The following STC1 variants were observed in gnomAD, a reference collection of about 807,000 sequenced individuals.
The protein encoded by STC1 is stanniocalcin 1, also known as stanniocalcin-1.
Under a neutral mutation model 22.6 loss-of-function variants are expected in STC1, and 7 were observed. The ratio of observed to expected loss-of-function variants is 0.31; its 90% CI spans 0.18 to 0.58. The LOEUF (loss-of-function observed/expected upper bound fraction) is 0.58. Among genes scored for constraint, STC1 ranks in the 20% least tolerant of loss-of-function variants. The pLI, the probability that STC1 is intolerant of heterozygous loss-of-function variation, is 0.89. For synonymous variants in STC1, 113 were observed against 120.7 expected, an observed-to-expected ratio of 0.94 and a Z score of 0.42; for missense variants, 224 against 311.0, an observed-to-expected ratio of 0.72 and a Z score of 2.10.
At chr8:23,848,672 C>T (rs1487526648) in intron 3 of STC1, among the ~76,000 whole-genome samples, 2 of 148,216 alleles carry the variant, frequency 1.3e-5, no homozygotes, top group African/African-American at 2.5e-5. Flanking sequence ...AATTATGTTT[C>T]TTTTTTCTCA....
chr8:23,844,789 G>A lies in STC1; in HGVS notation c.725C>T (p.Thr242Ile). Residue 242 changes from threonine (T) to isoleucine (I), a missense_variant, in exon 4 of 4, where the codon ACA (threonine) becomes ATA (isoleucine). Transcript: ENST00000290271. ...CCCTGGTTATGCACTCTCATGGGATGTGCGTTTGATGTGGGAGGGAGAGTC... is the reference window on the plus strand; with the variant it reads ...CCCTGGTTATGCACTCTCATGGGATATGCGTTTGATGTGGGAGGGAGAGTC... ...EEDSPSHIKR[T>I]SHESA The A allele has an allele frequency of 6.2e-7, 1 of 1,614,148 alleles. No individual in the cohort carries two copies. The highest frequency in any genetic ancestry group is 1.1e-5 in the South Asian group (1 of 91,080).
intron 3 of STC1, among the ~76,000 whole-genome samples, chr8:23,850,858 T>C (rs372264936): frequency 6.6e-6 from 1 of 151,498 alleles, no homozygotes; most frequent in African/African-American, 2.4e-5. Flanking sequence ...TGTTTGGGAC[T>C]GATTTGAAAT....
intron 3 of STC1, among the ~76,000 whole-genome samples, chr8:23,846,734 A>C (rs1415515771): frequency 6.6e-6 from 1 of 152,198 alleles, no homozygotes; most frequent in Non-Finnish European, 1.5e-5. Flanking sequence ...AGGGAGAATT[A>C]TATCCAGCTG....
intron 2 of STC1, among the ~76,000 whole-genome samples, 192 bp from the exon 3 acceptor site, chr8:23,851,723 A>G (rs1248091150): frequency 1.3e-5 from 2 of 151,256 alleles, no homozygotes; most frequent in Non-Finnish European, 2.9e-5. Flanking sequence ...ATCTCCCTGG[A>G]TTCCCTTGAG....
rs1338983181 is a variant in STC1 at position 23,842,211 on chromosome 8, A to G, written c.*2559T>C. The stretch of plus-strand genomic sequence containing the variant: ...ATACATAATGCAAATATAATGGCAC[A>G]AAAATGTCTAAAGTGCAACCAAATC... On this transcript the variant is annotated 3_prime_UTR_variant, in exon 4 of 4. Transcript: ENST00000290271. 6.6e-6 allele frequency: 1 copy of G among 152,584 alleles called. No homozygotes were observed. The highest frequency in any genetic ancestry group is 2.4e-5 in the African/African-American group (1 of 41,448). The allele number at this position is 152,584 out of a possible 1,614,324, so 9.5% of individuals were successfully genotyped here.
In STC1 at chr8:23,851,429, C is replaced by A. The variant is rs1421446497; in HGVS notation, c.364G>T (p.Ala122Ser). 2 of 1,614,164 alleles carry A rather than the reference C, an allele frequency of 1.2e-6. No individual in the cohort carries two copies. Among genetic ancestry groups the A allele is most frequent in the Non-Finnish European group, 1.7e-6 (2 of 1,180,020 alleles). ...CTGTAGCACTCTTCCTGCACCTCAGCAATCATCCTTTGGAAAGTGGAGCAC... is the reference window on the plus strand; with the variant it reads ...CTGTAGCACTCTTCCTGCACCTCAGAAATCATCCTTTGGAAAGTGGAGCAC... The part of the protein sequence containing the change: ...RRCSTFQRMI[A>S]EVQEECYSKL... The change falls in exon 3 of 4, where the codon GCT (alanine) becomes TCT (serine). Residue 122 changes from alanine (A) to serine (S), a missense_variant. Coordinates refer to ENST00000290271, the MANE Select transcript of STC1 (RefSeq NM_003155.3).
chr8:23,852,860 A>C (rs1302484125), intron 1 of STC1, among the ~76,000 whole-genome samples: 2 of 152,290 alleles, frequency 1.3e-5, no homozygotes, highest in East Asian at 3.9e-4. Flanking sequence ...ATTTTAGTCT[A>C]AATGGCAGAG....
intron 3 of STC1, among the ~76,000 whole-genome samples, chr8:23,848,562 A>C (rs1563342182): frequency 6.6e-6 from 1 of 150,910 alleles, no homozygotes; most frequent in Non-Finnish European, 1.5e-5. Flanking sequence ...AAAAAGAAGA[A>C]GAAGATTCCT....
chr8:23,851,601 A>C (rs1802638625), intron 2 of STC1, 70 bp from the exon 3 acceptor site: 6 of 1,440,348 alleles, frequency 4.2e-6, no homozygotes, highest in Non-Finnish European at 3.9e-6. Flanking sequence ...ATATACATGG[A>C]GGAATTTAAG....
At position 23,842,911 on chromosome 8, in the gene STC1, C is replaced by T. The variant is rs1436977214; in HGVS notation, c.*1859G>A. 2 of 153,716 alleles carry T rather than the reference C, an allele frequency of 1.3e-5. No homozygotes were observed. The highest frequency in any genetic ancestry group is 6.5e-5 in the Admixed American group (1 of 15,286). The allele number at this position is 153,716 out of a possible 1,614,324, so 9.5% of individuals were successfully genotyped here. On this transcript the variant is annotated 3_prime_UTR_variant, in exon 4 of 4. Transcript: ENST00000290271. ...GCTGCAATTGCTCTTGGTCCTTGAG[C>T]AGCACGTTACTGGTTTTAAAGGCTT...
rs565129234 is a variant in STC1, at chr8:23,844,436, T to C, written c.*334A>G. 3.0e-6 allele frequency: 1 copy of C among 332,072 alleles called. No homozygotes were observed. Among genetic ancestry groups the C allele is most frequent in the Non-Finnish European group, 5.6e-6 (1 of 177,092 alleles). The allele number at this position is 332,072 out of a possible 1,614,324, so 20.6% of individuals were successfully genotyped here. ...TTCTAAAGGGATCCACATCTTCAAATTACAATGGCTGGAGAGTTACATGAA... is the reference window on the plus strand; with the variant it reads ...TTCTAAAGGGATCCACATCTTCAAACTACAATGGCTGGAGAGTTACATGAA... On this transcript the variant is annotated 3_prime_UTR_variant, in exon 4 of 4. Transcript: ENST00000290271.
chr8:23,850,982 T>G (rs1357699144), intron 3 of STC1, among the ~76,000 whole-genome samples: 1 of 149,884 alleles, frequency 6.7e-6, no homozygotes, highest in African/African-American at 2.5e-5. Flanking sequence ...CAGCCAAATC[T>G]GATGTCTTAA....
Position 23,854,550 on chromosome 8 carries a change from T to TG in STC1, c.-28dup, listed in dbSNP as rs973460032. The TG allele has an allele frequency of 1.9e-6, 3 of 1,587,486 alleles. No individual in the cohort carries two copies. Among genetic ancestry groups the TG allele is most frequent in the African/African-American group, 1.4e-5 (1 of 73,684 alleles). On this transcript the variant is annotated 5_prime_UTR_variant, in exon 1 of 4. Coordinates refer to ENST00000290271, the MANE Select transcript of STC1 (RefSeq NM_003155.3). ...CTCTGAGAAGTTTCCGCTAAGTTGTTGGGTTTTTTTTTTTTCCTGCCCCCC... is the reference window on the plus strand; with the variant it reads ...CTCTGAGAAGTTTCCGCTAAGTTGTTGGGGTTTTTTTTTTTTCCTGCCCCCC...
rs557007773 is a variant in STC1 at position 23,849,376 on chromosome 8, C to T, written c.473+1944G>A. ...AAGTGAAATTTTTGGAGAAAGGTTGCATGGAAGATTCCGGTTTTCAAGGGC... is the reference window on the plus strand; with the variant it reads ...AAGTGAAATTTTTGGAGAAAGGTTGTATGGAAGATTCCGGTTTTCAAGGGC... On this transcript the variant is annotated intron_variant, in intron 3 of 3. Coordinates refer to ENST00000290271, the MANE Select transcript of STC1 (RefSeq NM_003155.3). 7.2e-5 allele frequency among the ~76,000 whole-genome samples: 11 copies of T among 152,176 alleles called. No homozygotes were observed. The South Asian group carries it at 2.3e-3, about 32-fold the overall frequency.
chr8:23,848,957 T>G (rs1460220756), intron 3 of STC1, among the ~76,000 whole-genome samples: 1 of 152,230 alleles, frequency 6.6e-6, no homozygotes, highest in Non-Finnish European at 1.5e-5. Context: ...CGCACCGCCC[T>G]GCTGGCCTGA....
rs946375644 is a variant in STC1, at chr8:23,842,061, T to C, written c.*2709A>G. 2 of 152,666 alleles carry C rather than the reference T, an allele frequency of 1.3e-5. No individual in the cohort carries two copies. Among genetic ancestry groups the C allele is most frequent in the Non-Finnish European group, 2.9e-5 (2 of 68,042 alleles). 9.5% of individuals were successfully genotyped at this position (152,666 alleles called of 1,614,324 possible). ...GCATCTGTCATTACCATGATATGTT[T>C]CATAACCTTTATATGCACATGGAGC... is the stretch of plus-strand genomic sequence containing the variant. On this transcript the variant is annotated 3_prime_UTR_variant, in exon 4 of 4. Transcript: ENST00000290271.
chr8:23,854,636 G>C lies in STC1; in HGVS notation c.-113C>G. The C allele has an allele frequency of 1.0e-6, 1 of 965,300 alleles. No individual in the cohort carries two copies. The allele number at this position is 965,300 out of a possible 1,614,324, so 59.8% of individuals were successfully genotyped here. On this transcript the variant is annotated 5_prime_UTR_variant, in exon 1 of 4. Transcript: ENST00000290271. ...TGGATCTGGATACACTGAAAGCTTA[G>C]GTGAGGATTTGATGAGGATTTTTTT... is the stretch of plus-strand genomic sequence containing the variant.
rs1438452 is a variant in STC1, at chr8:23,854,745, A to G, written c.-222T>C. 0.12 allele frequency: 74,981 copies of G among 640,794 alleles called. 4,598 individuals carry two copies. The highest frequency in any genetic ancestry group is 0.19 in the Admixed American group (8,708 of 45,550). The allele number at this position is 640,794 out of a possible 1,614,324, so 39.7% of individuals were successfully genotyped here. On this transcript the variant is annotated 5_prime_UTR_variant, in exon 1 of 4. Transcript: ENST00000290271. ...TGCCGCCGCTGCTGCTGCTGCTGCCACCGCCGCTGCTGCTGCTGCTGCTGC... is the reference window on the plus strand; with the variant it reads ...TGCCGCCGCTGCTGCTGCTGCTGCCGCCGCCGCTGCTGCTGCTGCTGCTGC...
chr8:23,851,918 T>A (rs1001747474), intron 2 of STC1, among the ~76,000 whole-genome samples: 1 of 152,150 alleles, frequency 6.6e-6, no homozygotes, highest in African/African-American at 2.4e-5. Context: ...CGTTTTTATG[T>A]CCTCTTACAG....
Sources: gnomAD v4.1 joint callset for allele counts (sites outside exome capture counted in the v4.1 genomes callset) on GRCh38, gnomAD v4.1.1 for gene constraint, MANE v1.5 for transcripts, NCBI Gene and HGNC (gene_info 2026-07-23, HGNC 2026-07-21) for gene names.